Variants in NCOR1 observed in about 807,000 individuals in gnomAD.
NCOR1 encodes the protein nuclear receptor corepressor 1, also known as protein phosphatase 1, regulatory subunit 109.
In NCOR1, 63 loss-of-function variants were observed where a neutral mutation model predicts 288.1. That is an observed-to-expected ratio of 0.22 (90% CI 0.18 to 0.27). The LOEUF (loss-of-function observed/expected upper bound fraction) is 0.27, where lower values mean the gene tolerates loss of function less well. Among genes scored for constraint, NCOR1 ranks in the 10% least tolerant of loss-of-function variants. The pLI is 1.00. For missense variants in NCOR1, 2,397 were observed against 3,019.2 expected (o/e 0.79, Z 4.83); for synonymous variants, 1,007 against 1,065.9 (o/e 0.94, Z 1.08).
intron 1 of NCOR1, among the ~76,000 whole-genome samples, chr17:16,204,801 A>G (rs2091286509): frequency 6.6e-6 from 1 of 152,256 alleles, no homozygotes; most frequent in African/African-American, 2.4e-5. Context: ...CAAATAAGGA[A>G]ATTAAGGTGT....
At chr17:16,204,194 A>G (rs1210350311) in intron 1 of NCOR1, among the ~76,000 whole-genome samples, 2 of 152,238 alleles carry the variant, frequency 1.3e-5, no homozygotes, top group African/African-American at 4.8e-5. Context: ...AAACACATTT[A>G]GTAAATGACA....
chr17:16,106,382 T>C (rs571372517), intron 19 of NCOR1, among the ~76,000 whole-genome samples: 3 of 151,980 alleles, frequency 2.0e-5, no homozygotes, highest in Admixed American at 1.3e-4. Flanking sequence ...TTCCAAGGCA[T>C]AATGTTTCAC....
intron 21 of NCOR1, among the ~76,000 whole-genome samples, chr17:16,095,076 T>C (rs2066156900): frequency 1.4e-5 from 2 of 146,936 alleles, no homozygotes; most frequent in African/African-American, 5.1e-5. Flanking sequence ...GTCTGGAAAG[T>C]GAGGAGCGTC....
chr17:16,075,461 T>C, intron 27 of NCOR1, 73 bp downstream of exon 27: 1 of 1,508,090 alleles, frequency 6.6e-7, no homozygotes, highest in African/African-American at 1.4e-5. Context: ...AGAGCAGAAA[T>C]GCGGGAAAAC....
At chr17:16,157,581 A>G (rs545436013) in intron 6 of NCOR1, among the ~76,000 whole-genome samples, 80 of 152,312 alleles carry the variant, frequency 5.3e-4, no homozygotes, top group South Asian at 1.7e-3. Context: ...ATAAAGTTAC[A>G]GACTGTATGT....
At position 16,086,391 on chromosome 17, in the gene NCOR1, C is replaced by T. The variant is rs759220419; in HGVS notation, c.3068G>A (p.Arg1023Gln). 35 of 1,613,884 alleles carry T rather than the reference C, an allele frequency of 2.2e-5. No homozygotes were observed. Among genetic ancestry groups the T allele is most frequent in the Middle Eastern group, 1.6e-4 (1 of 6,084 alleles). The part of the protein sequence containing the change: ...QVITNLPEGV[R>Q]LPTTRPTRPP... ...CCTGGTTGGTCGAGTTGTCGGAAGC[C>T]GAACGCCTTCAGGGAGATTAGTTAT... The change falls in exon 23 of 46, where the codon CGG (arginine) becomes CAG (glutamine). Residue 1023 changes from arginine to glutamine, a missense_variant. By Grantham distance (43) the Arg-to-Gln change is conservative. Coordinates refer to ENST00000268712, the MANE Select transcript of NCOR1 (RefSeq NM_006311.4).
At chr17:16,165,590 A>G (rs1304509532) in intron 4 of NCOR1, among the ~76,000 whole-genome samples, 1 of 152,224 alleles carries the variant, frequency 6.6e-6, no homozygotes, top group Non-Finnish European at 1.5e-5. Context: ...CTTAACAACT[A>G]TAACATGGCC....
chr17:16,173,657 C>T (rs765446369), intron 3 of NCOR1, among the ~76,000 whole-genome samples: 2 of 152,066 alleles, frequency 1.3e-5, no homozygotes, highest in African/African-American at 2.4e-5. Flanking sequence ...ATGCTGGGTG[C>T]GGTGGCTCAC....
chr17:16,050,608 G>C (rs1189137211), intron 40 of NCOR1, among the ~76,000 whole-genome samples: 1 of 152,138 alleles, frequency 6.6e-6, no homozygotes, highest in African/African-American at 2.4e-5. Context: ...TTAGACTAAA[G>C]CAAAATTATA....
intron 23 of NCOR1, among the ~76,000 whole-genome samples, chr17:16,081,997 C>T (rs907321736): frequency 6.6e-6 from 1 of 152,224 alleles, no homozygotes; most frequent in African/African-American, 2.4e-5. Context: ...AAGTGCCCAA[C>T]ACATAAAGAG....
intron 9 of NCOR1, among the ~76,000 whole-genome samples, chr17:16,147,328 G>A (rs1302065002): frequency 3.9e-5 from 6 of 152,120 alleles, no homozygotes; most frequent in Non-Finnish European, 8.8e-5. Context: ...AGAATCGCTT[G>A]AACCCAGGAG....
intron 2 of NCOR1, among the ~76,000 whole-genome samples, chr17:16,193,090 A>T (rs1378067634): frequency 1.5e-4 from 23 of 152,222 alleles, no homozygotes; most frequent in Admixed American, 1.5e-3. Context: ...AACGTCCTAG[A>T]GTGTTAGAAA....
At chr17:16,118,975 T>A (rs1355100934) in intron 17 of NCOR1, among the ~76,000 whole-genome samples, 9 of 152,208 alleles carry the variant, frequency 5.9e-5, no homozygotes, top group Non-Finnish European at 1.3e-4. Context: ...CACAGAGCAA[T>A]CTGCTAGTGG....
chr17:16,121,295 T>G, intron 15 of NCOR1, 26 bp from the exon 16 acceptor site: 1 of 1,597,234 alleles, frequency 6.3e-7, no homozygotes, highest in Non-Finnish European at 8.6e-7. Flanking sequence ...AATGAAAACT[T>G]GTGTGATTCC....
At chr17:16,175,353 G>C (rs1466964232) in intron 3 of NCOR1, among the ~76,000 whole-genome samples, 4 of 151,752 alleles carry the variant, frequency 2.6e-5, no homozygotes, top group Admixed American at 6.6e-5. Flanking sequence ...CTGGGTGACA[G>C]AGCCAGACTC....
chr17:16,180,995 C>T (rs2085285994), intron 3 of NCOR1, among the ~76,000 whole-genome samples: 1 of 152,054 alleles, frequency 6.6e-6, no homozygotes, highest in Non-Finnish European at 1.5e-5. Context: ...CCTGTCTCTA[C>T]TAAAAATACA....
chr17:16,093,722 T>C (rs1198148074), intron 21 of NCOR1, among the ~76,000 whole-genome samples: 1 of 152,182 alleles, frequency 6.6e-6, no homozygotes, highest in African/African-American at 2.4e-5. Flanking sequence ...CATATAAACA[T>C]AGCTTTTCCT....
chr17:16,164,364 C>T (rs2081563256), intron 5 of NCOR1, among the ~76,000 whole-genome samples: 1 of 151,950 alleles, frequency 6.6e-6, no homozygotes, highest in Non-Finnish European at 1.5e-5. Flanking sequence ...TGACAAGGGA[C>T]TTCAGGAAAT....
chr17:16,149,292 C>CATATATATAT (rs34511605), intron 9 of NCOR1, among the ~76,000 whole-genome samples, 159 bp downstream of exon 9: 3,115 of 137,780 alleles, frequency 0.023, 71 homozygotes, highest in African/African-American at 0.052. Context: ...AGATTTAAGT[C>CATATATATAT]ATATATATAT....
Sources: gnomAD v4.1 joint callset for allele counts (sites outside exome capture counted in the v4.1 genomes callset) on GRCh38, gnomAD v4.1.1 for gene constraint, MANE v1.5 for transcripts, NCBI Gene and HGNC (gene_info 2026-07-23, HGNC 2026-07-21) for gene names.